CDON: variants seen among roughly 807,000 people sequenced by gnomAD.
CDON encodes cell adhesion associated, oncogene regulated.
CDON carries 73 observed loss-of-function variants against 120.9 expected under a neutral mutation model. The ratio of observed to expected loss-of-function variants is 0.60; its 90% confidence interval spans 0.50 to 0.73. The LOEUF is 0.73. Among genes scored for constraint, CDON ranks in the 30% least tolerant of loss-of-function variants. The pLI is 0.00. For missense variants in CDON, 1,470 were observed against 1,587.3 expected (o/e 0.93, Z 1.26); for synonymous variants, 566 against 573.5 (o/e 0.99, Z 0.19).
At chr11:126,040,268 A>T (rs755800348) in intron 1 of CDON, among the ~76,000 whole-genome samples, 45 of 152,336 alleles carry the variant, frequency 3.0e-4, no homozygotes, top group Middle Eastern at 6.8e-3. Context: ...TTTCTAGAGG[A>T]ACTAGATTAA....
rs764945874 is a variant in CDON at position 126,004,001 on chromosome 11, C to T, written c.1927G>A (p.Ala643Thr). The change falls in exon 10 of 20, where the codon GCT becomes ACT. Residue 643 changes from alanine to threonine, a missense_variant. Coordinates refer to ENST00000531738, the MANE Select transcript of CDON (RefSeq NM_001378964.1). The stretch of plus-strand genomic sequence containing the variant: ...TAAAGACTAGATGGCTCCAGCTCAG[C>T]TAAATGGAGCTCATTTTCACTTCCT... ...VPGSENELHL[A>T]ELEPSSLYEV... The T allele has an allele frequency of 2.2e-5, 35 of 1,613,862 alleles. No homozygotes were observed. In the South Asian group the frequency reaches 3.8e-4, roughly 18 times the overall value.
chr11:126,001,696 C>T lies in CDON; in HGVS notation c.2158+23G>A, dbSNP rs201559629. 114 of 1,607,722 alleles carry T rather than the reference C, an allele frequency of 7.1e-5. No homozygotes were observed. The African/African-American group carries it at 1.4e-3, about 20-fold the overall frequency. ...CAGGTCAGTTATATTTGTAAAGAAA[C>T]AATAAAATATTCTTCTTTTTACCTC... On this transcript the variant is annotated intron_variant, in intron 11 of 19. Transcript: ENST00000531738.
chr11:126,060,781 A>C lies in CDON; in HGVS notation c.-62+1798T>G, dbSNP rs562480157. On this transcript the variant is annotated intron_variant, in intron 1 of 19. Transcript: ENST00000531738. ...GCCTTCAGCTGTATATACCCTGACG[A>C]TCTGGAGGAGAAAGTCCTATCTTAA... 7.9e-5 allele frequency among the ~76,000 whole-genome samples: 12 copies of C among 152,332 alleles called. No individual in the cohort carries two copies. The East Asian group carries it at 2.1e-3, about 27-fold the overall frequency.
intron 15 of CDON, among the ~76,000 whole-genome samples, chr11:125,986,430 A>C (rs1410208348): frequency 2.0e-5 from 3 of 152,160 alleles, no homozygotes; most frequent in African/African-American, 7.2e-5. Flanking sequence ...TAAAAGTATA[A>C]TTTAAAAAAA....
intron 1 of CDON, among the ~76,000 whole-genome samples, chr11:126,028,715 T>TATTTATTC (rs1947867457): frequency 6.9e-6 from 1 of 145,722 alleles, no homozygotes. Flanking sequence ...AGAATTTATT[T>TATTTATTC]ATTTATTTAT....
chr11:125,971,414 T>TAAATAAA (rs377328170), intron 18 of CDON, among the ~76,000 whole-genome samples: 33,947 of 123,630 alleles, frequency 0.27, 4,395 homozygotes, highest in Non-Finnish European at 0.34. Flanking sequence ...AAATAAATAA[T>TAAATAAA]AATAATTAAT....
intron 18 of CDON, among the ~76,000 whole-genome samples, chr11:125,971,370 G>A (rs956660396): frequency 1.4e-4 from 18 of 132,672 alleles, no homozygotes; most frequent in South Asian, 4.8e-4. Context: ...GCGACACAGC[G>A]AGACTCTGTC....
chr11:126,026,485 A>C (rs1947796393), intron 1 of CDON, among the ~76,000 whole-genome samples: 1 of 152,226 alleles, frequency 6.6e-6, no homozygotes, highest in Admixed American at 6.5e-5. Flanking sequence ...ACCATTAATA[A>C]AATTAGGTAG....
chr11:125,988,087 T>C (rs947292529), intron 15 of CDON, among the ~76,000 whole-genome samples: 9 of 152,210 alleles, frequency 5.9e-5, no homozygotes, highest in Non-Finnish European at 1.2e-4. Flanking sequence ...TTTATCATGT[T>C]ACGAGAGCTC....
At chr11:126,024,556 G>A (rs1947734502) in intron 1 of CDON, among the ~76,000 whole-genome samples, 1 of 151,970 alleles carries the variant, frequency 6.6e-6, no homozygotes, top group Non-Finnish European at 1.5e-5. Flanking sequence ...TTACTGAAAT[G>A]GGGAAGACTA....
At chr11:126,029,843 G>A (rs1008924986) in intron 1 of CDON, among the ~76,000 whole-genome samples, 3 of 152,140 alleles carry the variant, frequency 2.0e-5, no homozygotes, top group Admixed American at 6.5e-5. Flanking sequence ...TCAGGAAAGC[G>A]CCTGGTAGTA....
In CDON at chr11:125,997,144, T is replaced by C; in HGVS notation, c.2362+63A>G. The C allele has an allele frequency of 2.3e-6, 3 of 1,287,770 alleles. No individual in the cohort carries two copies. In the South Asian group the frequency reaches 3.6e-5, roughly 15 times the overall value. 79.8% of individuals were successfully genotyped at this position (1,287,770 alleles called of 1,614,324 possible). A position where few individuals can be genotyped will look rare whatever the true frequency, so the allele number is the denominator to read the frequency against. ...AACAGAGTGAGACCCTGTCTCAAAA[T>C]ATATAAATATATGGATCTAAAGTTC... On this transcript the variant is annotated intron_variant, in intron 12 of 19. Transcript: ENST00000531738.
chr11:125,983,396 C>A (rs1189501939), intron 16 of CDON, among the ~76,000 whole-genome samples: 3 of 151,810 alleles, frequency 2.0e-5, no homozygotes. Context: ...TTGAGTCCAT[C>A]AGGTACAGAA....
At chr11:125,977,583 A>G (rs1405328312) in intron 18 of CDON, among the ~76,000 whole-genome samples, 1 of 152,220 alleles carries the variant, frequency 6.6e-6, no homozygotes, top group African/African-American at 2.4e-5. Context: ...GTAATTCAAT[A>G]ACATCATTAT....
chr11:126,037,000 T>C (rs1370180460), intron 1 of CDON, among the ~76,000 whole-genome samples: 2 of 152,218 alleles, frequency 1.3e-5, no homozygotes, highest in East Asian at 3.8e-4. Context: ...TACAACTTTA[T>C]TCTTTATATA....
In CDON at chr11:125,959,393, G is replaced by C. The variant is rs980050877; in HGVS notation, c.*1549C>G. On this transcript the variant is annotated 3_prime_UTR_variant, in exon 20 of 20. Transcript: ENST00000531738. ...AATGCACAAAGGAGCAGTGATCCTT[G>C]AAAGCTTGACTCAAGCTATGAAACA... The C allele has an allele frequency of 2.0e-5, 3 of 152,114 alleles. No homozygotes were observed. Among genetic ancestry groups the C allele is most frequent in the Non-Finnish European group, 2.9e-5 (2 of 68,020 alleles). The allele number at this position is 152,114 out of a possible 1,614,324, so 9.4% of individuals were successfully genotyped here.
At chr11:125,986,017 G>A (rs748271472) in intron 15 of CDON, among the ~76,000 whole-genome samples, 23 of 152,174 alleles carry the variant, frequency 1.5e-4, no homozygotes, top group Non-Finnish European at 1.8e-4. Context: ...ACATGCACAC[G>A]TATGTTTAGT....
chr11:125,974,456 CTTATT>C (rs1168927523), intron 18 of CDON, among the ~76,000 whole-genome samples: 1 of 134,582 alleles, frequency 7.4e-6, no homozygotes, highest in Non-Finnish European at 1.6e-5. Context: ...TTTTACTCTC[CTTATT>C]TTATCATTCT....
At chr11:126,050,459 A>G (rs1287236423) in intron 1 of CDON, among the ~76,000 whole-genome samples, 3 of 151,412 alleles carry the variant, frequency 2.0e-5, no homozygotes, top group African/African-American at 7.3e-5. Flanking sequence ...ATTCTAACAA[A>G]GATTTTACAA....
Sources: allele counts gnomAD v4.1 joint callset (sites outside exome capture counted in the v4.1 genomes callset), GRCh38; gene constraint gnomAD v4.1.1; transcripts MANE v1.5; gene names NCBI Gene and HGNC (gene_info 2026-07-23, HGNC 2026-07-21).